XYLT1: variants seen among roughly 807,000 people sequenced by gnomAD.
The protein encoded by XYLT1 is xylosyltransferase 1, also known as beta-D-xylosyltransferase 1.
Under a neutral mutation model 91.3 loss-of-function variants are expected in XYLT1, and 36 were observed. That is an observed-to-expected ratio of 0.39 (90% CI 0.30 to 0.52). XYLT1 has a LOEUF of 0.52. Ranked by LOEUF, XYLT1 falls within the 20% of genes least tolerant of loss-of-function variation. The pLI is 0.68. For missense variants in XYLT1, 1,242 were observed against 1,284.5 expected (o/e 0.97, Z 0.51); for synonymous variants, 588 against 532.0 (o/e 1.11, Z -1.45).
rs549611652 is a variant in XYLT1, at chr16:17,163,992, C to T, written c.1290-5083G>A. 3.1e-5 allele frequency among the ~76,000 whole-genome samples: 4 copies of T among 127,418 alleles called. 1 individual carries two copies. The highest frequency in any genetic ancestry group is 5.1e-4 in the South Asian group (2 of 3,926). 83.6% of individuals were successfully genotyped at this position (127,418 alleles called of 152,430 possible). A position where few individuals can be genotyped will look rare whatever the true frequency, so the allele number is the denominator to read the frequency against. On this transcript the variant is annotated intron_variant, in intron 5 of 11. Transcript: ENST00000261381. Reference sequence around the variant, plus strand: ...GGTGGAGGTTGCAGTGAGGAGAGATCGCGCCACTGTACTCCCACCTGGAAA... The same window carrying T: ...GGTGGAGGTTGCAGTGAGGAGAGATTGCGCCACTGTACTCCCACCTGGAAA...
chr16:17,202,629 T>A (rs541610423), intron 3 of XYLT1, among the ~76,000 whole-genome samples: 11 of 152,336 alleles, frequency 7.2e-5, no homozygotes, highest in African/African-American at 2.6e-4. Context: ...AAAAGGGGAC[T>A]CACCACCACC....
intron 2 of XYLT1, among the ~76,000 whole-genome samples, chr16:17,340,763 A>AC (rs2035054311): frequency 6.6e-6 from 1 of 152,220 alleles, no homozygotes; most frequent in Non-Finnish European, 1.5e-5. Context: ...CATGCACTGC[A>AC]CTTAGCACAG....
intron 2 of XYLT1, among the ~76,000 whole-genome samples, chr16:17,294,253 C>T (rs1172839319): frequency 6.6e-6 from 1 of 152,102 alleles, no homozygotes; most frequent in Non-Finnish European, 1.5e-5. Context: ...CAGTGGCCAA[C>T]TTCTGGGTAC....
At chr16:17,385,477 A>G (rs1009048979) in intron 1 of XYLT1, among the ~76,000 whole-genome samples, 16 of 151,814 alleles carry the variant, frequency 1.1e-4, no homozygotes, top group African/African-American at 3.4e-4. Flanking sequence ...CACCTCACAT[A>G]GCCCTTGGCA....
At chr16:17,329,789 G>A (rs1024257435) in intron 2 of XYLT1, among the ~76,000 whole-genome samples, 1 of 152,156 alleles carries the variant, frequency 6.6e-6, no homozygotes, top group African/African-American at 2.4e-5. Context: ...ACCATCACAG[G>A]GAGGGGCACC....
At chr16:17,322,466 C>T (rs990632750) in intron 2 of XYLT1, among the ~76,000 whole-genome samples, 8 of 152,184 alleles carry the variant, frequency 5.3e-5, no homozygotes, top group African/African-American at 1.9e-4. Context: ...TTTCATGCAG[C>T]TGAGATAGGG....
intron 1 of XYLT1, among the ~76,000 whole-genome samples, chr16:17,370,617 G>C (rs1041289964): frequency 6.6e-6 from 1 of 152,194 alleles, no homozygotes; most frequent in East Asian, 1.9e-4. Flanking sequence ...TTGAGAACAC[G>C]ATCTTCATGG....
intron 6 of XYLT1, among the ~76,000 whole-genome samples, chr16:17,148,853 G>A (rs1385106179): frequency 6.6e-6 from 1 of 152,198 alleles, no homozygotes; most frequent in Non-Finnish European, 1.5e-5. Context: ...CAAAAGAGAA[G>A]GGCTTATTGT....
chr16:17,123,319 A>G (rs1229037621), intron 10 of XYLT1, among the ~76,000 whole-genome samples: 1 of 152,046 alleles, frequency 6.6e-6, no homozygotes, highest in Non-Finnish European at 1.5e-5. Flanking sequence ...TTGTTTCTCT[A>G]GCTCATTAAG....
intron 5 of XYLT1, 99 bp from the exon 6 acceptor site, chr16:17,159,008 C>A (rs1157892449): frequency 1.9e-6 from 2 of 1,034,726 alleles, no homozygotes; most frequent in Non-Finnish European, 3.0e-6. Context: ...CTGCTTGAAG[C>A]ACCTTCTCTG....
intron 3 of XYLT1, among the ~76,000 whole-genome samples, chr16:17,241,345 A>G (rs1171771861): frequency 1.3e-5 from 2 of 152,180 alleles, no homozygotes; most frequent in African/African-American, 4.8e-5. Context: ...CAGCACCTCT[A>G]AATTCTCCAG....
At chr16:17,346,569 T>C (rs896114483) in intron 2 of XYLT1, among the ~76,000 whole-genome samples, 8 of 152,116 alleles carry the variant, frequency 5.3e-5, no homozygotes, top group African/African-American at 1.9e-4. Flanking sequence ...AATTTAAAAA[T>C]CTTCCTGAGG....
chr16:17,250,176 G>T (rs564219148), intron 3 of XYLT1: 1 of 152,340 alleles, frequency 6.6e-6, no homozygotes, highest in Admixed American at 6.5e-5. Flanking sequence ...AGAACCAATG[G>T]ACATGGTACT....
chr16:17,366,590 G>A (rs1277480823), intron 1 of XYLT1, among the ~76,000 whole-genome samples: 1 of 152,136 alleles, frequency 6.6e-6, no homozygotes, highest in Non-Finnish European at 1.5e-5. Context: ...AGCTACCCAG[G>A]AGGCTGAGGC....
intron 1 of XYLT1, among the ~76,000 whole-genome samples, chr16:17,463,229 G>A (rs74987965): frequency 1.3e-5 from 2 of 152,016 alleles, no homozygotes; most frequent in Non-Finnish European, 2.9e-5. Context: ...TAGACAAACG[G>A]GATCACATCA....
intron 2 of XYLT1, among the ~76,000 whole-genome samples, chr16:17,299,568 G>A (rs2034363435): frequency 3.3e-5 from 5 of 152,146 alleles, no homozygotes; most frequent in Admixed American, 2.6e-4. Context: ...AATTGCTAGC[G>A]TCCCTTCCAC....
intron 1 of XYLT1, among the ~76,000 whole-genome samples, chr16:17,396,222 G>A (rs2035884041): frequency 6.6e-6 from 1 of 152,176 alleles, no homozygotes. Flanking sequence ...TGACTCCTGG[G>A]CACAACCTTA....
intron 3 of XYLT1, among the ~76,000 whole-genome samples, chr16:17,220,599 A>G (rs558689194): frequency 1.3e-5 from 2 of 152,224 alleles, no homozygotes; most frequent in South Asian, 4.2e-4. Context: ...CAGCCTCCCG[A>G]GTAGCTGGGA....
intron 2 of XYLT1, among the ~76,000 whole-genome samples, chr16:17,317,896 T>C (rs1334795996): frequency 6.6e-6 from 1 of 152,198 alleles, no homozygotes; most frequent in Admixed American, 6.5e-5. Flanking sequence ...ACTATTCCTC[T>C]GCCTGGAATG....
Sources: gnomAD v4.1 joint callset for allele counts (sites outside exome capture counted in the v4.1 genomes callset) on GRCh38, gnomAD v4.1.1 for gene constraint, MANE v1.5 for transcripts, NCBI Gene and HGNC (gene_info 2026-07-23, HGNC 2026-07-21) for gene names.